Variants in ZNF883 observed in about 807,000 individuals in gnomAD.
ZNF883 encodes zinc finger protein 883.
At chr9:113,011,735 T>A (rs1213840010) in intron 1 of ZNF883, among the ~76,000 whole-genome samples, 1 of 152,206 alleles carries the variant, frequency 6.6e-6, no homozygotes, top group South Asian at 2.1e-4. Flanking sequence ...AATACGTATA[T>A]CACGGTTTTC....
chr9:112,996,373 A>G (rs1828354062), downstream of ZNF883, among the ~76,000 whole-genome samples: 1 of 152,184 alleles, frequency 6.6e-6, no homozygotes, highest in Admixed American at 6.5e-5. Flanking sequence ...TGTCAATTTT[A>G]TTTTCAAACC....
At chr9:113,005,219 C>A (rs951064691) in intron 2 of ZNF883, among the ~76,000 whole-genome samples, 1 of 151,886 alleles carries the variant, frequency 6.6e-6, no homozygotes, top group Non-Finnish European at 1.5e-5. Context: ...AAACAGAAGG[C>A]AATCAACTAA....
chr9:112,997,181 T>C lies in ZNF883; in HGVS notation n.1079A>G, dbSNP rs557356240. On this transcript the variant is annotated non_coding_transcript_exon_variant, in exon 1 of 1. Coordinates refer to ENST00000639662, the Ensembl canonical transcript of ZNF883. ...CTGATGTCGAATTAAGGATGTACTATGACAAAAGACATCACCACACTTAGT... is the reference window on the plus strand; with the variant it reads ...CTGATGTCGAATTAAGGATGTACTACGACAAAAGACATCACCACACTTAGT... The C allele has an allele frequency of 6.2e-6, 10 of 1,613,430 alleles. No homozygotes were observed. The South Asian group carries it at 8.8e-5, about 14-fold the overall frequency.
rs141108871 is a variant in ZNF883 at position 113,003,556 on chromosome 9, C to T, written n.166-1483G>A. ...AGTATAGGGGCTTATGTGACTTAAG[C>T]GGTCTAACATATAAGTGGAGTCTCA... is the stretch of plus-strand genomic sequence containing the variant. On this transcript the variant is annotated intron_variant and non_coding_transcript_variant, in intron 2 of 4. Coordinates refer to the ZNF883 transcript ENST00000638622. 2.4e-4 allele frequency among the ~76,000 whole-genome samples: 35 copies of T among 147,846 alleles called. 1 individual carries two copies. Among genetic ancestry groups the T allele is most frequent in the East Asian group, 2.0e-4 (1 of 5,022 alleles).
chr9:112,996,331 A>G (rs1012664719), downstream of ZNF883, among the ~76,000 whole-genome samples: 1 of 152,186 alleles, frequency 6.6e-6, no homozygotes, highest in African/African-American at 2.4e-5. Context: ...TGTGGGAGAA[A>G]ACATTATTTG....
At chr9:112,996,512 C>T (rs570757305), downstream of ZNF883, among the ~76,000 whole-genome samples, 1 of 152,034 alleles carries the variant, frequency 6.6e-6, no homozygotes, top group South Asian at 2.1e-4. Flanking sequence ...TTTTTTATGG[C>T]CGGGCGCGGT....
rs33952027 is a variant in ZNF883, at chr9:113,006,097, TAAA to T, written n.166-4027_166-4025del. ...CTCTAAAAGTTCAAGCATGAAAAAT[TAAA>T]AAAAAAAAAGAAACCAGCCTAAACC... On this transcript the variant is annotated intron_variant and non_coding_transcript_variant, in intron 2 of 4. Transcript: ENST00000638622. Among the ~76,000 whole-genome samples, 36 of 144,394 alleles carry T rather than the reference TAAA, an allele frequency of 2.5e-4. No homozygotes were observed. In the East Asian group the frequency reaches 6.8e-3, roughly 27 times the overall value. 94.7% of individuals were successfully genotyped at this position (144,394 alleles called of 152,430 possible).
downstream of ZNF883, among the ~76,000 whole-genome samples, chr9:112,992,793 C>T (rs1049217556): frequency 1.3e-5 from 2 of 152,100 alleles, no homozygotes; most frequent in African/African-American, 4.8e-5. Context: ...TTTCTCTAAT[C>T]TTGTCTGCCC....
intron 2 of ZNF883, among the ~76,000 whole-genome samples, chr9:113,005,408 CAA>C (rs778987861): frequency 2.0e-5 from 3 of 151,954 alleles, no homozygotes; most frequent in Non-Finnish European, 4.4e-5. Flanking sequence ...GATCAATATA[CAA>C]AAAGATTTTC....
At chr9:113,004,854 G>A (rs1828459615) in intron 2 of ZNF883, among the ~76,000 whole-genome samples, 1 of 150,864 alleles carries the variant, frequency 6.6e-6, no homozygotes, top group Non-Finnish European at 1.5e-5. Context: ...GGGTGGTAGT[G>A]GCACAGGGAT....
At chr9:112,997,561 T>A (rs1476633671) in exon 1 of ZNF883, 1 of 1,614,140 alleles carries the variant, frequency 6.2e-7, no homozygotes, top group Admixed American at 1.7e-5. Context: ...AGGGTTTTTC[T>A]CCAGTATGAA....
At chr9:112,997,836 G>A (rs981979782) in exon 1 of ZNF883, 2 of 1,612,778 alleles carry the variant, frequency 1.2e-6, no homozygotes, top group Non-Finnish European at 1.7e-6. Flanking sequence ...CTATGATGTT[G>A]AGTAAGGGCA....
At chr9:113,007,695 C>T (rs1045924066) in intron 2 of ZNF883, among the ~76,000 whole-genome samples, 1 of 152,134 alleles carries the variant, frequency 6.6e-6, no homozygotes, top group Admixed American at 6.5e-5. Context: ...CTAAACCTCA[C>T]AAATGATGTC....
intron 2 of ZNF883, among the ~76,000 whole-genome samples, chr9:113,005,995 G>A (rs1380207343): frequency 6.6e-6 from 1 of 151,748 alleles, no homozygotes; most frequent in Non-Finnish European, 1.5e-5. Context: ...GACACCACTG[G>A]TAAGACAGGA....
intron 2 of ZNF883, among the ~76,000 whole-genome samples, chr9:113,003,784 G>A (rs1828449459): frequency 6.6e-6 from 1 of 152,154 alleles, no homozygotes; most frequent in African/African-American, 2.4e-5. Context: ...CAAAAGGGCA[G>A]AGTAACTTCA....
intron 2 of ZNF883, among the ~76,000 whole-genome samples, chr9:113,004,658 C>T (rs888177315): frequency 2.6e-5 from 4 of 151,814 alleles, no homozygotes; most frequent in Non-Finnish European, 4.4e-5. Context: ...TTTGGATTTC[C>T]AGACTCCAGA....
At chr9:112,991,980 A>C (rs1046620413) in intron 1 of ZNF883, among the ~76,000 whole-genome samples, 2 of 152,208 alleles carry the variant, frequency 1.3e-5, no homozygotes, top group Non-Finnish European at 2.9e-5. Context: ...GTGTCTTTGC[A>C]TATGAGATGA....
chr9:112,997,555 T>C (rs1432424627), exon 1 of ZNF883: 6 of 1,613,958 alleles, frequency 3.7e-6, no homozygotes, highest in Non-Finnish European at 5.1e-6. Flanking sequence ...ACTCATAGGG[T>C]TTTTCTCCAG....
At chr9:112,997,114 C>T, downstream of ZNF883, 2 of 1,580,386 alleles carry the variant, frequency 1.3e-6, no homozygotes, top group Non-Finnish European at 1.7e-6. Context: ...GGCTTTCCCA[C>T]ACTCATTACT....
Sources: allele counts gnomAD v4.1 joint callset (sites outside exome capture counted in the v4.1 genomes callset), GRCh38; gene constraint gnomAD v4.1.1; transcripts MANE v1.5; gene names NCBI Gene and HGNC (gene_info 2026-07-23, HGNC 2026-07-21).